The following PTK2 variants were observed in gnomAD, a reference collection of about 807,000 sequenced individuals.
PTK2 encodes the protein focal adhesion kinase 1.
Under a neutral mutation model 150.1 loss-of-function variants are expected in PTK2, and 45 were observed. The observed-to-expected ratio is 0.30, with a 90% CI of 0.24 to 0.38. PTK2 has a LOEUF of 0.38. Ranked by LOEUF, PTK2 falls within the 10% of genes least tolerant of loss-of-function variation. PTK2 has a pLI of 1.00. For missense variants in PTK2, 919 were observed against 1,307.3 expected, an observed-to-expected ratio of 0.70 and a Z score of 4.58; for synonymous variants, 432 against 449.2, an observed-to-expected ratio of 0.96 and a Z score of 0.48.
At chr8:140,863,782 C>T (rs917991572) in intron 5 of PTK2, among the ~76,000 whole-genome samples, 9 of 152,200 alleles carry the variant, frequency 5.9e-5, no homozygotes, top group African/African-American at 2.2e-4. Context: ...TTTATTTCTG[C>T]ATTCCCGGTC....
intron 2 of PTK2, among the ~76,000 whole-genome samples, chr8:140,902,281 C>T (rs916112628): frequency 1.8e-4 from 28 of 152,142 alleles, no homozygotes; most frequent in African/African-American, 5.8e-4. Flanking sequence ...GCGATCCACA[C>T]GCCTCGGCCT....
chr8:140,680,982 A>C (rs540587556), intron 27 of PTK2, among the ~76,000 whole-genome samples: 90 of 152,356 alleles, frequency 5.9e-4, no homozygotes, highest in African/African-American at 2.1e-3. Flanking sequence ...CAGGCACAGC[A>C]AATGTTTAAG....
chr8:140,673,899 A>G (rs1455794650), intron 29 of PTK2, among the ~76,000 whole-genome samples: 2 of 152,226 alleles, frequency 1.3e-5, no homozygotes, highest in Non-Finnish European at 2.9e-5. Flanking sequence ...TCTTCCATGA[A>G]GCCACACTTA....
intron 2 of PTK2, chr8:140,920,806 A>G: frequency 6.7e-7 from 1 of 1,495,250 alleles, no homozygotes. Context: ...TTTTTAAGTT[A>G]TTTATACCTT....
rs1488058209 is a variant in PTK2 at position 140,830,542 on chromosome 8, A to C, written c.594-16T>G. 1 of 1,447,950 alleles carries C rather than the reference A, an allele frequency of 6.9e-7. No homozygotes were observed. Among genetic ancestry groups the C allele is most frequent in the East Asian group, 2.4e-5 (1 of 41,622 alleles). The allele number at this position is 1,447,950 out of a possible 1,614,324, so 89.7% of individuals were successfully genotyped here. ...AACATCTTTTCTGAAATATAAAAAG[A>C]AGCGTATTAACAAATAACACCACCA... is the stretch of plus-strand genomic sequence containing the variant. On this transcript the variant is annotated splice_polypyrimidine_tract_variant and intron_variant, in intron 7 of 31. Coordinates refer to ENST00000522684, the Ensembl canonical transcript of PTK2.
chr8:140,910,778 C>A (rs2100162813), intron 2 of PTK2, among the ~76,000 whole-genome samples: 1 of 152,178 alleles, frequency 6.6e-6, no homozygotes, highest in Admixed American at 6.5e-5. Flanking sequence ...TTGCCCCATT[C>A]TCTCCAAAAC....
At chr8:140,866,201 C>T (rs752009413) in intron 4 of PTK2, among the ~76,000 whole-genome samples, 47 of 152,270 alleles carry the variant, frequency 3.1e-4, no homozygotes, top group African/African-American at 9.9e-4. Flanking sequence ...TTCCAGTCAA[C>T]GATTCAAACA....
chr8:140,738,219 G>C (rs1280598033), intron 21 of PTK2, among the ~76,000 whole-genome samples: 1 of 152,138 alleles, frequency 6.6e-6, no homozygotes, highest in East Asian at 1.9e-4. Flanking sequence ...AAGCCTTCAA[G>C]GACATTTAAG....
At position 140,938,548 on chromosome 8, in the gene PTK2, T is replaced by C. The variant is rs530618762; in HGVS notation, c.-121-12799A>G. ...GATCACCCTGGTGTTTAGTACTTCTTTCTTTAGAATCCCAACCAGCCCCAT... is the reference window on the plus strand; with the variant it reads ...GATCACCCTGGTGTTTAGTACTTCTCTCTTTAGAATCCCAACCAGCCCCAT... On this transcript the variant is annotated intron_variant, in intron 1 of 31. Transcript: ENST00000522684. Among the ~76,000 whole-genome samples, 184 of 152,324 alleles carry C rather than the reference T, an allele frequency of 1.2e-3. No homozygotes were observed. In the Middle Eastern group the frequency reaches 0.027, roughly 23 times the overall value.
intron 21 of PTK2, among the ~76,000 whole-genome samples, chr8:140,735,954 T>C (rs1297765741): frequency 6.6e-6 from 1 of 152,222 alleles, no homozygotes; most frequent in African/African-American, 2.4e-5. Context: ...AAAGGCACCA[T>C]TATCTGGTTT....
chr8:140,668,738 C>T (rs534561820), intron 29 of PTK2: 2 of 218,312 alleles, frequency 9.2e-6, no homozygotes, highest in East Asian at 2.2e-4. Context: ...AAATCATTTA[C>T]CACAAGATAA....
chr8:140,762,272 G>T, intron 15 of PTK2, 96 bp downstream of exon 18: 2 of 628,374 alleles, frequency 3.2e-6, no homozygotes, highest in Non-Finnish European at 4.1e-6. Context: ...ATGACAAATA[G>T]TTTAAAAATA....
intron 4 of PTK2, among the ~76,000 whole-genome samples, chr8:140,875,423 A>G (rs1344852714): frequency 6.6e-6 from 1 of 152,188 alleles, no homozygotes; most frequent in Non-Finnish European, 1.5e-5. Flanking sequence ...TATATTAAAG[A>G]ATTTAATGGA....
intron 27 of PTK2, among the ~76,000 whole-genome samples, chr8:140,676,380 AAATTAATTAATT>A (rs57904871): frequency 1.5e-5 from 2 of 131,590 alleles, no homozygotes; most frequent in Admixed American, 9.0e-5. Context: ...TGTCTCAAAA[AAATTAATTAATT>A]AATTAATTAA....
intron 1 of PTK2, among the ~76,000 whole-genome samples, chr8:140,944,277 G>A (rs1398184698): frequency 1.3e-5 from 2 of 152,188 alleles, no homozygotes; most frequent in African/African-American, 4.8e-5. Context: ...AGGCTTTGCA[G>A]AAATACTGCA....
At chr8:140,681,448 C>T (rs2100016839) in intron 27 of PTK2, among the ~76,000 whole-genome samples, 2 of 151,474 alleles carry the variant, frequency 1.3e-5, no homozygotes, top group South Asian at 4.2e-4. Flanking sequence ...CCCAAACTGG[C>T]TGCTTCCTTA....
intron 2 of PTK2, among the ~76,000 whole-genome samples, chr8:140,891,640 C>T (rs555817365): frequency 7.9e-5 from 12 of 152,260 alleles, no homozygotes; most frequent in Admixed American, 5.9e-4. Context: ...GCAGAGCTTT[C>T]GGCAGCAAGG....
intron 2 of PTK2, among the ~76,000 whole-genome samples, chr8:140,922,116 A>C (rs2100167681): frequency 6.6e-6 from 1 of 152,184 alleles, no homozygotes; most frequent in East Asian, 1.9e-4. Flanking sequence ...CTAACTTCTG[A>C]AAACAATAGC....
At chr8:140,854,614 C>A (rs947553992) in intron 5 of PTK2, among the ~76,000 whole-genome samples, 1 of 152,028 alleles carries the variant, frequency 6.6e-6, no homozygotes, top group African/African-American at 2.4e-5. Flanking sequence ...TAACAAGATT[C>A]TAATTTATTT....
Sources: gnomAD v4.1 joint callset for allele counts (sites outside exome capture counted in the v4.1 genomes callset) on GRCh38, gnomAD v4.1.1 for gene constraint, MANE v1.5 for transcripts, NCBI Gene and HGNC (gene_info 2026-07-23, HGNC 2026-07-21) for gene names.